JAZF1: variants seen among roughly 807,000 people sequenced by gnomAD.
JAZF1 encodes the protein juxtaposed with another zinc finger protein 1.
In JAZF1, 8 loss-of-function variants were observed where a neutral mutation model predicts 26.4. That is an observed-to-expected ratio of 0.30 (90% CI 0.18 to 0.55). The LOEUF is 0.55. Among genes scored for constraint, JAZF1 ranks in the 20% least tolerant of loss-of-function variants. JAZF1 has a pLI of 0.94. For synonymous variants in JAZF1, 126 were observed against 122.3 expected (o/e 1.03, Z -0.20); for missense variants, 199 against 322.0 (o/e 0.62, Z 2.92).
At chr7:27,854,424 G>C (rs912154253) in intron 3 of JAZF1, among the ~76,000 whole-genome samples, 9 of 152,184 alleles carry the variant, frequency 5.9e-5, no homozygotes, top group African/African-American at 2.2e-4. Context: ...ATGATAGCTG[G>C]TTATTTTGCT....
intron 1 of JAZF1, among the ~76,000 whole-genome samples, chr7:28,176,587 T>G (rs1783555088): frequency 2.0e-5 from 3 of 152,212 alleles, no homozygotes; most frequent in Non-Finnish European, 4.4e-5. Context: ...CTCAATTGTT[T>G]ATTGTCTGGC....
chr7:27,942,775 G>A (rs1261927293), intron 2 of JAZF1, among the ~76,000 whole-genome samples: 1 of 152,174 alleles, frequency 6.6e-6, no homozygotes, highest in African/African-American at 2.4e-5. Flanking sequence ...CCGTTATGTG[G>A]CACTCTAATT....
At chr7:28,005,788 C>T (rs985779572) in intron 1 of JAZF1, among the ~76,000 whole-genome samples, 1 of 151,688 alleles carries the variant, frequency 6.6e-6, no homozygotes, top group African/African-American at 2.4e-5. Flanking sequence ...AGTCCCTGGA[C>T]CTTCTCAGTT....
At chr7:28,058,540 C>T (rs1456441560) in intron 1 of JAZF1, among the ~76,000 whole-genome samples, 1 of 152,120 alleles carries the variant, frequency 6.6e-6, no homozygotes, top group Admixed American at 6.5e-5. Context: ...AAACACAGTT[C>T]CTAGTTTAAC....
chr7:27,907,856 C>T (rs184525830), intron 2 of JAZF1, among the ~76,000 whole-genome samples: 3 of 152,180 alleles, frequency 2.0e-5, no homozygotes, highest in Non-Finnish European at 4.4e-5. Flanking sequence ...AGCACTCTTG[C>T]CTGTGCTGCT....
chr7:28,118,108 A>C (rs945261779), intron 1 of JAZF1: 1 of 152,238 alleles, frequency 6.6e-6, no homozygotes, highest in African/African-American at 2.4e-5. Flanking sequence ...GTGTTTCATA[A>C]GGATAAAAAT....
chr7:28,025,712 G>A (rs1318048516), intron 1 of JAZF1, among the ~76,000 whole-genome samples: 3 of 152,202 alleles, frequency 2.0e-5, no homozygotes, highest in Non-Finnish European at 2.9e-5. Context: ...GTTCAGTGGT[G>A]TATTTAGTCT....
intron 1 of JAZF1, among the ~76,000 whole-genome samples, chr7:28,107,233 G>A (rs1018347494): frequency 2.6e-5 from 4 of 152,126 alleles, no homozygotes; most frequent in African/African-American, 7.2e-5. Context: ...TATCTTGAAG[G>A]TATTTCTCAT....
chr7:27,983,467 C>T (rs1199368700), intron 2 of JAZF1, among the ~76,000 whole-genome samples: 4 of 152,176 alleles, frequency 2.6e-5, no homozygotes, highest in Admixed American at 1.3e-4. Context: ...ACCAAATCTA[C>T]GTCTGATTGG....
At chr7:27,855,410 C>CA (rs1227814128) in intron 3 of JAZF1, among the ~76,000 whole-genome samples, 2 of 151,616 alleles carry the variant, frequency 1.3e-5, no homozygotes, top group African/African-American at 4.9e-5. Context: ...AAAAACCCTT[C>CA]AAAAAAATCA....
chr7:27,953,661 G>T (rs972005365), intron 2 of JAZF1, among the ~76,000 whole-genome samples: 14 of 152,196 alleles, frequency 9.2e-5, no homozygotes, highest in African/African-American at 3.4e-4. Context: ...TTCTTTGGGG[G>T]TGGAGGGTTA....
rs1343045131 is a variant in JAZF1 at position 27,831,959 on chromosome 7, CTTTTCT to C, written c.*835_*840del. On this transcript the variant is annotated 3_prime_UTR_variant, in exon 5 of 5. Transcript: ENST00000283928. The stretch of plus-strand genomic sequence containing the variant: ...ACTTTGCACTGAAGTATTTCAAAGT[CTTTTCT>C]AACAGATTTCAGGGAAAAAAGTATT... The C allele has an allele frequency of 9.1e-6, 2 of 220,244 alleles. No individual in the cohort carries two copies. Among genetic ancestry groups the C allele is most frequent in the African/African-American group, 4.5e-5 (2 of 44,572 alleles). 13.6% of individuals were successfully genotyped at this position (220,244 alleles called of 1,614,324 possible). A position where few individuals can be genotyped will look rare whatever the true frequency, so the allele number is the denominator to read the frequency against.
intron 1 of JAZF1, among the ~76,000 whole-genome samples, chr7:28,039,757 T>G (rs1349842733): frequency 6.6e-6 from 1 of 152,160 alleles, no homozygotes; most frequent in African/African-American, 2.4e-5. Context: ...AATTTAAAAT[T>G]CAACGTGTAT....
chr7:27,965,401 C>T (rs1785255997), intron 2 of JAZF1, among the ~76,000 whole-genome samples: 1 of 152,110 alleles, frequency 6.6e-6, no homozygotes, highest in Admixed American at 6.5e-5. Context: ...CATATGTTTT[C>T]CTTATAGCTA....
chr7:28,121,416 G>A (rs1169032266), intron 1 of JAZF1, among the ~76,000 whole-genome samples: 1 of 152,110 alleles, frequency 6.6e-6, no homozygotes, highest in East Asian at 1.9e-4. Flanking sequence ...GAAACAGGCT[G>A]GTAGAGTCCA....
chr7:27,954,833 C>T (rs1170367412), intron 2 of JAZF1, among the ~76,000 whole-genome samples: 1 of 152,208 alleles, frequency 6.6e-6, no homozygotes, highest in Non-Finnish European at 1.5e-5. Context: ...TCTTGGCTCA[C>T]CGCAACCTCT....
chr7:28,107,492 G>A (rs1427926546), intron 1 of JAZF1, among the ~76,000 whole-genome samples: 1 of 152,168 alleles, frequency 6.6e-6, no homozygotes, highest in East Asian at 1.9e-4. Flanking sequence ...TGTGTTTCAT[G>A]ACATACAGCA....
chr7:28,053,570 A>G (rs1208536597), intron 1 of JAZF1, among the ~76,000 whole-genome samples: 2 of 152,252 alleles, frequency 1.3e-5, no homozygotes, highest in African/African-American at 4.8e-5. Flanking sequence ...GAAGAAATTG[A>G]TTCTACTATA....
intron 1 of JAZF1, among the ~76,000 whole-genome samples, chr7:28,027,238 G>A (rs912813011): frequency 2.0e-5 from 3 of 152,170 alleles, no homozygotes; most frequent in Non-Finnish European, 2.9e-5. Flanking sequence ...TTGCTTCCAC[G>A]GTGAAGAAGA....
Sources: gnomAD v4.1 joint callset for allele counts (sites outside exome capture counted in the v4.1 genomes callset) on GRCh38, gnomAD v4.1.1 for gene constraint, MANE v1.5 for transcripts, NCBI Gene and HGNC (gene_info 2026-07-23, HGNC 2026-07-21) for gene names.